The following PCBP3 variants were observed in gnomAD, a reference collection of about 807,000 sequenced individuals.
The protein encoded by PCBP3 is poly(rC) binding protein 3.
In PCBP3, 25 loss-of-function variants were observed where a neutral mutation model predicts 52.7. The ratio of observed to expected loss-of-function variants is 0.47; its 90% CI spans 0.35 to 0.66. PCBP3 has a LOEUF of 0.66. PCBP3 is among the 30% of genes least tolerant of loss of function. PCBP3 has a pLI of 0.01. For synonymous variants in PCBP3, 162 were observed against 183.0 expected (o/e 0.89, Z 0.93); for missense variants, 391 against 490.3 (o/e 0.80, Z 1.91).
chr21:45,664,611 TTTTTC>T (rs199728696), intron 1 of PCBP3, among the ~76,000 whole-genome samples: 26,159 of 151,446 alleles, frequency 0.17, 2,304 homozygotes, highest in Middle Eastern at 0.31. Flanking sequence ...TTTAATTTTT[TTTTTC>T]TTTTCTTTTT....
At chr21:45,670,237 T>C (rs920646522) in intron 2 of PCBP3, among the ~76,000 whole-genome samples, 3 of 152,188 alleles carry the variant, frequency 2.0e-5, no homozygotes, top group Non-Finnish European at 4.4e-5. Flanking sequence ...TTGTGCTTAT[T>C]GCCCAGTAGT....
At chr21:45,649,116 C>T (rs149429995) in intron 1 of PCBP3, among the ~76,000 whole-genome samples, 176 of 152,310 alleles carry the variant, frequency 1.2e-3, no homozygotes, top group Non-Finnish European at 1.2e-3. Context: ...CTTACAGTTC[C>T]ACGTGGCTGG....
At chr21:45,832,376 C>T (rs1418289150) in intron 4 of PCBP3, among the ~76,000 whole-genome samples, 3 of 152,148 alleles carry the variant, frequency 2.0e-5, no homozygotes, top group South Asian at 2.1e-4. Flanking sequence ...TTGTGCTGAC[C>T]TCCTATCTCA....
intron 2 of PCBP3, among the ~76,000 whole-genome samples, chr21:45,676,249 G>A (rs2081452636): frequency 6.6e-6 from 1 of 152,154 alleles, no homozygotes; most frequent in Admixed American, 6.5e-5. Flanking sequence ...TGTGTTTGTT[G>A]CAAATGATAA....
rs752075359 is a variant in PCBP3, at chr21:45,900,629, T to C, written c.222+6T>C. ...TGAAGAAGATGCGTGAGGAGGTGAG[T>C]GTGGTGGGTCCCCACCTGTCCGCAG... On this transcript the variant is annotated splice_donor_region_variant and intron_variant, in intron 8 of 17. Coordinates refer to ENST00000681687, the MANE Select transcript of PCBP3 (RefSeq NM_001384156.1). 1 of 1,383,966 alleles carries C rather than the reference T, an allele frequency of 7.2e-7. No individual in the cohort carries two copies. The highest frequency in any genetic ancestry group is 1.1e-5 in the South Asian group (1 of 87,566). 85.7% of individuals were successfully genotyped at this position (1,383,966 alleles called of 1,614,324 possible).
rs993015420 is a variant in PCBP3 at position 45,895,453 on chromosome 21, G to A, written c.11-755G>A. Among the ~76,000 whole-genome samples, 52 of 152,302 alleles carry A rather than the reference G, an allele frequency of 3.4e-4. 1 individual carries two copies. The highest frequency in any genetic ancestry group is 2.2e-4 in the Non-Finnish European group (15 of 68,026). ...CTGACTCTGCAGAGCCCAGTACCTC[G>A]GAGCAGGGTCCCCACCGTGCCACAC... On this transcript the variant is annotated intron_variant, in intron 5 of 17. Coordinates refer to ENST00000681687, the MANE Select transcript of PCBP3 (RefSeq NM_001384156.1).
At chr21:45,908,575 G>T (rs573406917) in intron 9 of PCBP3, among the ~76,000 whole-genome samples, 5 of 152,280 alleles carry the variant, frequency 3.3e-5, no homozygotes, top group South Asian at 2.1e-4. Flanking sequence ...TGTCCTGGGG[G>T]TGCTGCCCTG....
At chr21:45,718,512 C>A (rs1055486226) in intron 2 of PCBP3, among the ~76,000 whole-genome samples, 1 of 152,036 alleles carries the variant, frequency 6.6e-6, no homozygotes, top group Non-Finnish European at 1.5e-5. Flanking sequence ...CCATGCCAGC[C>A]AGGCTGCTGG....
chr21:45,841,809 C>G (rs2093705143), intron 4 of PCBP3, among the ~76,000 whole-genome samples: 2 of 152,210 alleles, frequency 1.3e-5, no homozygotes, highest in South Asian at 4.1e-4. Context: ...AGAGGTCTCT[C>G]TGTTATTACG....
At chr21:45,895,163 G>A (rs1206860749) in intron 5 of PCBP3, among the ~76,000 whole-genome samples, 1 of 152,226 alleles carries the variant, frequency 6.6e-6, no homozygotes, top group East Asian at 1.9e-4. Context: ...AAGGCAGTTG[G>A]AACGGGCTTT....
intron 13 of PCBP3, among the ~76,000 whole-genome samples, chr21:45,926,541 C>G (rs534435451): frequency 6.6e-6 from 1 of 152,256 alleles, no homozygotes; most frequent in Non-Finnish European, 1.5e-5. Context: ...GACAAGTAGA[C>G]TGGATCAGAC....
At chr21:45,811,080 TTA>T (rs2092675037) in intron 4 of PCBP3, among the ~76,000 whole-genome samples, 1 of 152,256 alleles carries the variant, frequency 6.6e-6, no homozygotes, top group Admixed American at 6.5e-5. Flanking sequence ...TTTTGTATTT[TTA>T]TATTAACCTT....
chr21:45,801,905 G>T (rs991309268), intron 4 of PCBP3, among the ~76,000 whole-genome samples: 3 of 152,190 alleles, frequency 2.0e-5, no homozygotes, highest in Admixed American at 1.3e-4. Context: ...AGTTTAATCA[G>T]ATTCTGCAGG....
chr21:45,822,449 T>A (rs887388874), intron 4 of PCBP3, among the ~76,000 whole-genome samples: 7 of 152,322 alleles, frequency 4.6e-5, no homozygotes, highest in African/African-American at 1.2e-4. Flanking sequence ...AATGATTTTT[T>A]AAAAATGGTT....
intron 4 of PCBP3, among the ~76,000 whole-genome samples, chr21:45,845,580 G>T (rs1005966483): frequency 6.7e-6 from 1 of 150,324 alleles, no homozygotes; most frequent in Non-Finnish European, 1.5e-5. Flanking sequence ...GTGTGCACAC[G>T]TGTGAGTGTG....
chr21:45,862,650 A>G (rs983753863), intron 5 of PCBP3, among the ~76,000 whole-genome samples: 1 of 152,204 alleles, frequency 6.6e-6, no homozygotes, highest in African/African-American at 2.4e-5. Context: ...CTTGGTCAGT[A>G]AGACATGCAG....
In PCBP3 at chr21:45,663,563, A is replaced by G. The variant is rs536485526; in HGVS notation, c.-278-5311A>G. ...ATCCATCTTGAGTTAATTTTTGTAT[A>G]TGGTGAGAGATAAGGGTCTAGTTTT... On this transcript the variant is annotated intron_variant, in intron 1 of 17. Transcript: ENST00000681687. Among the ~76,000 whole-genome samples the G allele has an allele frequency of 3.3e-5, 5 of 152,212 alleles. No homozygotes were observed. In the South Asian group the frequency reaches 1.0e-3, roughly 32 times the overall value.
At position 45,899,837 on chromosome 21, in the gene PCBP3, G is replaced by T. The variant is rs191564621; in HGVS notation, c.189+215G>T. Among the ~76,000 whole-genome samples the T allele has an allele frequency of 9.9e-5, 15 of 152,256 alleles. No homozygotes were observed. In the East Asian group the frequency reaches 2.5e-3, roughly 26 times the overall value. ...GCTCTGCGTGGCCTGAGGGGAAGGG[G>T]TTCACTCCAGCTGGTCACCTCGCTG... On this transcript the variant is annotated intron_variant, in intron 7 of 17. Coordinates refer to ENST00000681687, the MANE Select transcript of PCBP3 (RefSeq NM_001384156.1).
intron 2 of PCBP3, among the ~76,000 whole-genome samples, chr21:45,729,109 T>C (rs909972367): frequency 6.6e-6 from 1 of 152,180 alleles, no homozygotes; most frequent in African/African-American, 2.4e-5. Flanking sequence ...ACCACTAACC[T>C]GCTTTTTGTC....
Sources: gnomAD v4.1 joint callset for allele counts (sites outside exome capture counted in the v4.1 genomes callset) on GRCh38, gnomAD v4.1.1 for gene constraint, MANE v1.5 for transcripts, NCBI Gene and HGNC (gene_info 2026-07-23, HGNC 2026-07-21) for gene names.